Variants in MAK observed in about 807,000 individuals in gnomAD.
The protein encoded by MAK is male germ cell associated kinase.
In MAK, 65 loss-of-function variants were observed where a neutral mutation model predicts 82.6. The observed-to-expected ratio is 0.79, with a 90% CI of 0.64 to 0.97. MAK has a LOEUF of 0.97. MAK is among the 50% of genes least tolerant of loss of function. MAK has a pLI of 0.00. For synonymous variants in MAK, 250 were observed against 274.2 expected, an observed-to-expected ratio of 0.91 and a Z score of 0.87; for missense variants, 703 against 780.2, an observed-to-expected ratio of 0.90 and a Z score of 1.18.
chr6:10,831,871 A>G (rs1778838172), intron 1 of MAK, among the ~76,000 whole-genome samples: 1 of 152,226 alleles, frequency 6.6e-6, no homozygotes, highest in Admixed American at 6.5e-5. Flanking sequence ...GAACAAAGAA[A>G]CTGTTTTATT....
Position 10,807,993 on chromosome 6 carries a change from G to A in MAK, c.491+817C>T, listed in dbSNP as rs185139542. Reference sequence around the variant, plus strand: ...TGAGGCAGGAGAATCACTTGAAACCGGGAGGCAGAGGTTGCAGTGAGCCGA... The same window carrying A: ...TGAGGCAGGAGAATCACTTGAAACCAGGAGGCAGAGGTTGCAGTGAGCCGA... On this transcript the variant is annotated intron_variant, in intron 6 of 14. Transcript: ENST00000354489. 2.4e-3 allele frequency among the ~76,000 whole-genome samples: 358 copies of A among 151,996 alleles called. 2 individuals are homozygous for A. Among genetic ancestry groups the A allele is most frequent in the Admixed American group, 0.014 (217 of 15,256 alleles).
intron 9 of MAK, among the ~76,000 whole-genome samples, chr6:10,792,306 C>A (rs1004848781): frequency 1.3e-5 from 2 of 152,206 alleles, no homozygotes; most frequent in Non-Finnish European, 2.9e-5. Context: ...ACCAGTCATC[C>A]TGTGGCCACA....
intron 14 of MAK, among the ~76,000 whole-genome samples, chr6:10,768,172 T>G (rs1385381709): frequency 1.3e-5 from 2 of 152,312 alleles, no homozygotes. Flanking sequence ...TATAAAGGCC[T>G]TCAATATCTT....
At chr6:10,768,491 G>T (rs747190153) in intron 14 of MAK, among the ~76,000 whole-genome samples, 13 of 152,298 alleles carry the variant, frequency 8.5e-5, no homozygotes, top group Admixed American at 2.0e-4. Flanking sequence ...TGAGGCAGGA[G>T]AATCGTTTGA....
chr6:10,774,742 A>G (rs1773320808), intron 12 of MAK, among the ~76,000 whole-genome samples: 1 of 152,202 alleles, frequency 6.6e-6, no homozygotes, highest in African/African-American at 2.4e-5. Flanking sequence ...CATCAAATCA[A>G]AGTTACTTAC....
Position 10,808,959 on chromosome 6 carries a change from G to GAA in MAK, c.359-19_359-18dup. The GAA allele has an allele frequency of 1.9e-6, 3 of 1,584,182 alleles. No individual in the cohort carries two copies. The highest frequency in any genetic ancestry group is 2.3e-5 in the East Asian group (1 of 44,282). ...GAAAAAAGCCTTGATGATATACGGA[G>GAA]AAAAAAAAATACAGTAAATCATTAC... On this transcript the variant is annotated splice_polypyrimidine_tract_variant and intron_variant, in intron 5 of 14. Transcript: ENST00000354489.
Position 10,796,325 on chromosome 6 carries a change from G to A in MAK, c.832-16C>T. 1 of 1,600,962 alleles carries A rather than the reference G, an allele frequency of 6.2e-7. No homozygotes were observed. Among genetic ancestry groups the A allele is most frequent in the Non-Finnish European group, 8.5e-7 (1 of 1,171,710 alleles). On this transcript the variant is annotated splice_polypyrimidine_tract_variant and intron_variant, in intron 8 of 14. Coordinates refer to ENST00000354489, the MANE Select transcript of MAK (RefSeq NM_001242957.3). ...GTTTCAATGCCTATAAAAACACAGA[G>A]AAAACAACAAATGGAAAACAGTTCC...
chr6:10,803,745 CA>C lies in MAK; in HGVS notation c.637del (p.Cys213AlafsTer4). The C allele has an allele frequency of 6.2e-7, 1 of 1,613,850 alleles. No individual in the cohort carries two copies. The highest frequency in any genetic ancestry group is 8.5e-7 in the Non-Finnish European group (1 of 1,179,974). On this transcript the variant is annotated frameshift_variant, in exon 7 of 15. Transcript: ENST00000354489. LOFTEE classifies it high-confidence loss of function. ...TTTTTTGGGAGTCCCTAAAACTTGG[CA>C]AATTTTAAAGATTTCATCGACCTCA... ...TSEVDEIFKI[C>X]QVLGTPKKSD...
chr6:10,822,154 A>G (rs1264251010), intron 2 of MAK, among the ~76,000 whole-genome samples: 1 of 149,586 alleles, frequency 6.7e-6, no homozygotes, highest in Non-Finnish European at 1.5e-5. Context: ...CTCAAAAAAA[A>G]AAAAAAAAAA....
In MAK at chr6:10,803,841, A is replaced by G. The variant is rs750559316; in HGVS notation, c.542T>C (p.Ile181Thr). 3.1e-6 allele frequency: 5 copies of G among 1,613,976 alleles called. No individual in the cohort carries two copies. The highest frequency in any genetic ancestry group is 1.3e-5 in the African/African-American group (1 of 74,922). The change falls in exon 7 of 15, where the codon ATT (isoleucine) becomes ACT (threonine). Residue 181 changes from isoleucine (I) to threonine (T), a missense_variant. By Grantham distance (89) the Ile-to-Thr change is moderately conservative (BLOSUM62 -1). Coordinates refer to ENST00000354489, the MANE Select transcript of MAK (RefSeq NM_001242957.3). ...GATACTTCCAACAGCCCACACATCA[A>G]TGGGAGAACTATAAACTGAAGATCT... ...LLRSSVYSSP[I>T]DVWAVGSIMA...
At chr6:10,795,176 G>A (rs1417377563) in intron 9 of MAK, among the ~76,000 whole-genome samples, 1 of 152,020 alleles carries the variant, frequency 6.6e-6, no homozygotes, top group Non-Finnish European at 1.5e-5. Context: ...TTTAGGCCGG[G>A]CTTGGTGGCT....
At chr6:10,766,251 G>A (rs1371794557) in intron 14 of MAK, among the ~76,000 whole-genome samples, 1 of 152,210 alleles carries the variant, frequency 6.6e-6, no homozygotes, top group Non-Finnish European at 1.5e-5. Context: ...GGTTTGCACA[G>A]TTTTTCTTAA....
intron 6 of MAK, 24 bp downstream of exon 6, chr6:10,808,786 G>A (rs772639204): frequency 1.2e-6 from 2 of 1,611,404 alleles, no homozygotes; most frequent in South Asian, 2.2e-5. Flanking sequence ...TATGCCTCAG[G>A]AGGGCTGCAT....
At chr6:10,824,432 G>A (rs535090257) in intron 2 of MAK, among the ~76,000 whole-genome samples, 42 of 152,094 alleles carry the variant, frequency 2.8e-4, no homozygotes, top group Non-Finnish European at 4.6e-4. Context: ...CCTGTGTGGC[G>A]TGGTTTGCCT....
chr6:10,790,220 G>A lies in MAK; in HGVS notation c.1316+1455C>T, dbSNP rs371284625. ...TTTTAGGAAAGAGTACCTATGGAAT[G>A]TGAAGACCTGGAAACGGATTGCATA... On this transcript the variant is annotated intron_variant, in intron 10 of 14. Coordinates refer to ENST00000354489, the MANE Select transcript of MAK (RefSeq NM_001242957.3). Among the ~76,000 whole-genome samples the A allele has an allele frequency of 2.4e-4, 37 of 152,270 alleles. No individual in the cohort carries two copies. The South Asian group carries it at 7.5e-3, about 31-fold the overall frequency.
chr6:10,820,729 G>A (rs922239043), intron 2 of MAK, among the ~76,000 whole-genome samples: 10 of 152,180 alleles, frequency 6.6e-5, no homozygotes, highest in Non-Finnish European at 1.5e-4. Context: ...TATTTATGAA[G>A]AAGCGTGATG....
chr6:10,828,355 G>A (rs1778535728), intron 2 of MAK, among the ~76,000 whole-genome samples: 1 of 152,130 alleles, frequency 6.6e-6, no homozygotes, highest in South Asian at 2.1e-4. Context: ...CCCAAGGAAG[G>A]AGCCTCTGTA....
At chr6:10,769,289 G>GTT (rs2127509754) in intron 14 of MAK, among the ~76,000 whole-genome samples, 1 of 152,332 alleles carries the variant, frequency 6.6e-6, no homozygotes, top group African/African-American at 2.4e-5. Flanking sequence ...TGGCTTTAAT[G>GTT]TTTATTTTTG....
chr6:10,768,330 A>C (rs1251453012), intron 14 of MAK, among the ~76,000 whole-genome samples: 2 of 152,098 alleles, frequency 1.3e-5, no homozygotes, highest in East Asian at 1.9e-4. Flanking sequence ...TAATCCCAGC[A>C]CTTGTGGGAG....
Sources: gnomAD v4.1 joint callset for allele counts (sites outside exome capture counted in the v4.1 genomes callset) on GRCh38, gnomAD v4.1.1 for gene constraint, MANE v1.5 for transcripts, NCBI Gene and HGNC (gene_info 2026-07-23, HGNC 2026-07-21) for gene names.